PSD3: variants seen among roughly 807,000 people sequenced by gnomAD.
The protein encoded by PSD3 is PH and SEC7 domain-containing protein 3.
In PSD3, 49 loss-of-function variants were observed where a neutral mutation model predicts 105.5. The ratio of observed to expected loss-of-function variants is 0.46; its 90% CI spans 0.37 to 0.59. The LOEUF (loss-of-function observed/expected upper bound fraction) is 0.59. Ranked by LOEUF, PSD3 falls within the 20% of genes least tolerant of loss-of-function variation. The pLI, the probability that PSD3 is intolerant of heterozygous loss-of-function variation, is 0.00. For synonymous variants in PSD3, 557 were observed against 457.8 expected (o/e 1.22, Z -2.77); for missense variants, 1,561 against 1,263.8 (o/e 1.24, Z -3.57).
rs533382246 is a variant in PSD3, at chr8:18,744,711, T to C, written c.2172+20738A>G. ...CATCTTACGTAACCATCAGTGCAAT[T>C]ATCAAAACCAGAACGTTAATGTTGG... On this transcript the variant is annotated intron_variant, in intron 9 of 15. Coordinates refer to ENST00000327040, the MANE Select transcript of PSD3 (RefSeq NM_015310.4). Among the ~76,000 whole-genome samples, 3 of 152,314 alleles carry C rather than the reference T, an allele frequency of 2.0e-5. No homozygotes were observed. The South Asian group carries it at 6.2e-4, about 32-fold the overall frequency.
At chr8:18,951,938 C>T (rs1430333134) in intron 1 of PSD3, among the ~76,000 whole-genome samples, 1 of 152,092 alleles carries the variant, frequency 6.6e-6, no homozygotes, top group Non-Finnish European at 1.5e-5. Context: ...CAGTGCACCC[C>T]AGCCTGGGCA....
intron 2 of PSD3, among the ~76,000 whole-genome samples, chr8:18,893,277 G>A (rs554363599): frequency 6.6e-6 from 1 of 152,092 alleles, no homozygotes; most frequent in East Asian, 1.9e-4. Flanking sequence ...GCTGACCTGA[G>A]GGGGTTTATA....
Position 18,841,925 on chromosome 8 carries a change from T to A in PSD3, c.1634+25749A>T, listed in dbSNP as rs1313995221. Among the ~76,000 whole-genome samples the A allele has an allele frequency of 2.0e-5, 3 of 152,170 alleles. No homozygotes were observed. In the East Asian group the frequency reaches 5.8e-4, roughly 29 times the overall value. On this transcript the variant is annotated intron_variant, in intron 4 of 15. Transcript: ENST00000327040. ...TTTGATATAAAACCTACTCTATTTC[T>A]AAACAATACTTCAGACCAGTGGAGA...
intron 9 of PSD3, among the ~76,000 whole-genome samples, chr8:18,666,133 T>C (rs1460759769): frequency 6.6e-6 from 1 of 152,196 alleles, no homozygotes; most frequent in African/African-American, 2.4e-5. Flanking sequence ...TTACTGCAAC[T>C]TCTGCCTCCT....
intron 1 of PSD3, among the ~76,000 whole-genome samples, chr8:19,060,870 G>T (rs1460587398): frequency 6.6e-6 from 1 of 152,214 alleles, no homozygotes. Flanking sequence ...AAACTGGCAA[G>T]TGGCTTTGAC....
intron 15 of PSD3, among the ~76,000 whole-genome samples, chr8:18,540,260 G>A (rs141652571): frequency 2.7e-4 from 41 of 152,306 alleles, no homozygotes; most frequent in African/African-American, 9.9e-4. Flanking sequence ...TAATGCAATT[G>A]TACACTTAAC....
intron 9 of PSD3, among the ~76,000 whole-genome samples, chr8:18,662,496 GAA>G (rs1004635912): frequency 6.6e-6 from 1 of 152,178 alleles, no homozygotes; most frequent in Non-Finnish European, 1.5e-5. Flanking sequence ...TTTCTTGAGA[GAA>G]AGATTTGATA....
chr8:18,578,302 G>A (rs1275869872), intron 12 of PSD3, among the ~76,000 whole-genome samples: 1 of 152,012 alleles, frequency 6.6e-6, no homozygotes, highest in African/African-American at 2.4e-5. Flanking sequence ...GATAATTGCT[G>A]ACAAAACTAA....
At chr8:18,778,487 A>G (rs1808301774) in intron 8 of PSD3, among the ~76,000 whole-genome samples, 1 of 152,160 alleles carries the variant, frequency 6.6e-6, no homozygotes, top group Admixed American at 6.5e-5. Flanking sequence ...GACTTCCAGT[A>G]CTATATTGAA....
chr8:18,954,459 T>C (rs1339334685), intron 1 of PSD3, among the ~76,000 whole-genome samples: 5 of 152,186 alleles, frequency 3.3e-5, no homozygotes, highest in Non-Finnish European at 5.9e-5. Flanking sequence ...GTTATGTAGT[T>C]CTTGAATCAA....
At chr8:19,021,736 A>T (rs1172353572) in intron 1 of PSD3, among the ~76,000 whole-genome samples, 1 of 152,188 alleles carries the variant, frequency 6.6e-6, no homozygotes, top group African/African-American at 2.4e-5. Flanking sequence ...AAAACTTTGC[A>T]GGCCCAGTTA....
intron 14 of PSD3, among the ~76,000 whole-genome samples, chr8:18,567,507 T>C (rs1801866544): frequency 6.6e-6 from 1 of 152,190 alleles, no homozygotes; most frequent in African/African-American, 2.4e-5. Flanking sequence ...AGTTGTAGTG[T>C]ACTTATTACC....
intron 4 of PSD3, chr8:18,854,274 T>C (rs1044609739): frequency 1.3e-5 from 2 of 152,898 alleles, no homozygotes; most frequent in African/African-American, 4.8e-5. Context: ...TCTCCCAGAA[T>C]GCCACTGGAT....
chr8:18,991,545 T>C (rs1825808961), intron 1 of PSD3, among the ~76,000 whole-genome samples: 2 of 152,094 alleles, frequency 1.3e-5, no homozygotes. Flanking sequence ...AAATTGGTAA[T>C]ACCTGTGGAA....
intron 4 of PSD3, among the ~76,000 whole-genome samples, chr8:18,857,247 G>A (rs1262040485): frequency 6.6e-6 from 1 of 152,196 alleles, no homozygotes; most frequent in Non-Finnish European, 1.5e-5. Context: ...TAAGCAACTT[G>A]CAGTAAACGC....
chr8:18,701,747 A>G (rs1801593551), intron 9 of PSD3, among the ~76,000 whole-genome samples: 1 of 152,222 alleles, frequency 6.6e-6, no homozygotes, highest in Non-Finnish European at 1.5e-5. Context: ...ACTTTAAGTG[A>G]ATATTTGCTT....
rs371646958 is a variant in PSD3, at chr8:18,996,837, T to G, written c.21+16726A>C. On this transcript the variant is annotated intron_variant, in intron 1 of 15. Coordinates refer to ENST00000327040, the MANE Select transcript of PSD3 (RefSeq NM_015310.4). ...ACATTTGGTCCCCACTACTACACTATAATCCCAGTTGGTTATCAACCTCAG... is the reference window on the plus strand; with the variant it reads ...ACATTTGGTCCCCACTACTACACTAGAATCCCAGTTGGTTATCAACCTCAG... 2.6e-5 allele frequency among the ~76,000 whole-genome samples: 4 copies of G among 152,058 alleles called. No homozygotes were observed. The East Asian group carries it at 7.7e-4, about 29-fold the overall frequency.
chr8:18,601,415 C>T (rs1804432124), intron 11 of PSD3, among the ~76,000 whole-genome samples: 1 of 152,178 alleles, frequency 6.6e-6, no homozygotes, highest in South Asian at 2.1e-4. Context: ...TGTGGTCTGT[C>T]TTTAACCTGG....
intron 1 of PSD3, among the ~76,000 whole-genome samples, chr8:19,009,327 C>T (rs1826848905): frequency 1.3e-5 from 2 of 152,188 alleles, no homozygotes; most frequent in African/African-American, 2.4e-5. Context: ...ACACGCAATG[C>T]TAACTTTGAG....
Sources: allele counts gnomAD v4.1 joint callset (sites outside exome capture counted in the v4.1 genomes callset), GRCh38; gene constraint gnomAD v4.1.1; transcripts MANE v1.5; gene names NCBI Gene and HGNC (gene_info 2026-07-23, HGNC 2026-07-21).